The following SSR1 variants were observed in gnomAD, a reference collection of about 807,000 sequenced individuals.
SSR1 encodes the protein translocon-associated protein subunit alpha.
In SSR1, 13 loss-of-function variants were observed where a neutral mutation model predicts 36.1. The observed-to-expected ratio is 0.36, with a 90% CI of 0.23 to 0.57. The LOEUF is 0.57. Among genes scored for constraint, SSR1 ranks in the 20% least tolerant of loss-of-function variants. The pLI is 0.81. For missense variants in SSR1, 291 were observed against 338.5 expected, an observed-to-expected ratio of 0.86 and a Z score of 1.10; for synonymous variants, 113 against 118.9, an observed-to-expected ratio of 0.95 and a Z score of 0.32.
chr6:7,306,810 G>A lies in SSR1; in HGVS notation c.192+3107C>T, dbSNP rs979856968. ...GGGCGCCTATAATCCCAGCTACTCG[G>A]GAGACTGAGGCAGGAGACTGGCGTG... is the stretch of plus-strand genomic sequence containing the variant. On this transcript the variant is annotated intron_variant, in intron 2 of 7. Coordinates refer to ENST00000244763, the MANE Select transcript of SSR1 (RefSeq NM_003144.5). Among the ~76,000 whole-genome samples the A allele has an allele frequency of 5.3e-5, 8 of 152,012 alleles. No individual in the cohort carries two copies. The East Asian group carries it at 7.8e-4, about 15-fold the overall frequency.
rs111779601 is a variant in SSR1, at chr6:7,284,209, A to G, written c.*5655T>C. ...TTGCAAGATGATTTTCAAAAATAAC[A>G]TGAACCCCAACAGCTTCACTGAGAA... On this transcript the variant is annotated 3_prime_UTR_variant, in exon 8 of 8. Coordinates refer to ENST00000244763, the MANE Select transcript of SSR1 (RefSeq NM_003144.5). 1.0e-3 allele frequency: 154 copies of G among 152,306 alleles called. No individual in the cohort carries two copies. Among genetic ancestry groups the G allele is most frequent in the African/African-American group, 3.5e-3 (146 of 41,568 alleles). 9.4% of individuals were successfully genotyped at this position (152,306 alleles called of 1,614,324 possible). A position where few individuals can be genotyped will look rare whatever the true frequency, so the allele number is the denominator to read the frequency against.
Position 7,297,922 on chromosome 6 carries a change from C to G in SSR1, c.699+1G>C. The G allele has an allele frequency of 6.2e-7, 1 of 1,612,012 alleles. No homozygotes were observed. Among genetic ancestry groups the G allele is most frequent in the Non-Finnish European group, 8.5e-7 (1 of 1,178,624 alleles). ...TGTAAGAGGTGTTCATCCATAATTA[C>G]CTTTCTAGATTCTAGGAGTTGATGA... On this transcript the variant is annotated splice_donor_variant, in intron 6 of 7. Transcript: ENST00000244763. LOFTEE classifies it high-confidence loss of function.
chr6:7,294,938 T>C (rs1757760920), intron 7 of SSR1: 1 of 582,748 alleles, frequency 1.7e-6, no homozygotes, highest in Non-Finnish European at 2.7e-6. Flanking sequence ...TTTAGGTTTA[T>C]TCTTTCAAGT....
At position 7,309,996 on chromosome 6, in the gene SSR1, T is replaced by C. The variant is rs771135386; in HGVS notation, c.113A>G (p.Asp38Gly). 3.7e-6 allele frequency: 6 copies of C among 1,613,794 alleles called. No homozygotes were observed. In the Admixed American group the frequency reaches 6.7e-5, roughly 18 times the overall value. ...LLAVAQDLTE[D>G]EETVEDSIIE... ...TATGGAATCTTCTACTGTTTCTTCATCCTCTGTAAGATCTTGTGCCACTGC... is the reference window on the plus strand; with the variant it reads ...TATGGAATCTTCTACTGTTTCTTCACCCTCTGTAAGATCTTGTGCCACTGC... The change falls in exon 2 of 8, where the codon GAT becomes GGT. Residue 38 changes from aspartate (D) to glycine (G), a missense_variant. By Grantham distance (94) the Asp-to-Gly change is moderately conservative. Coordinates refer to ENST00000244763, the MANE Select transcript of SSR1 (RefSeq NM_003144.5).
intron 2 of SSR1, among the ~76,000 whole-genome samples, chr6:7,304,212 C>A (rs1243509303): frequency 6.6e-6 from 1 of 152,226 alleles, no homozygotes; most frequent in Non-Finnish European, 1.5e-5. Flanking sequence ...TGCTGGTATT[C>A]AGACCATATT....
chr6:7,312,492 G>A (rs1305190533), intron 1 of SSR1, among the ~76,000 whole-genome samples: 1 of 152,156 alleles, frequency 6.6e-6, no homozygotes, highest in Non-Finnish European at 1.5e-5. Flanking sequence ...GGTCAAGCAG[G>A]GCGTGAACAA....
Position 7,297,910 on chromosome 6 carries a change from C to T in SSR1, c.699+13G>A, listed in dbSNP as rs952632008. On this transcript the variant is annotated intron_variant, in intron 6 of 7. Transcript: ENST00000244763. ...TTGAAACACGGCTGTAAGAGGTGTTCATCCATAATTACCTTTCTAGATTCT... is the reference window on the plus strand; with the variant it reads ...TTGAAACACGGCTGTAAGAGGTGTTTATCCATAATTACCTTTCTAGATTCT... 8.7e-6 allele frequency: 14 copies of T among 1,607,130 alleles called. No individual in the cohort carries two copies. The highest frequency in any genetic ancestry group is 1.0e-5 in the Non-Finnish European group (12 of 1,174,642).
At position 7,284,823 on chromosome 6, in the gene SSR1, T is replaced by C. The variant is rs1424867752; in HGVS notation, c.*5041A>G. 2 of 152,002 alleles carry C rather than the reference T, an allele frequency of 1.3e-5. No homozygotes were observed. The highest frequency in any genetic ancestry group is 2.9e-5 in the Non-Finnish European group (2 of 67,990). The allele number at this position is 152,002 out of a possible 1,614,324, so 9.4% of individuals were successfully genotyped here. ...TTGTAGGTCACAGAATCAGACTATT[T>C]AGGGCTGATACTTCAAGCATATCTC... On this transcript the variant is annotated 3_prime_UTR_variant, in exon 8 of 8. Coordinates refer to ENST00000244763, the MANE Select transcript of SSR1 (RefSeq NM_003144.5).
At chr6:7,291,393 G>A (rs568133171) in intron 7 of SSR1, among the ~76,000 whole-genome samples, 3 of 151,912 alleles carry the variant, frequency 2.0e-5, no homozygotes, top group South Asian at 4.2e-4. Context: ...GCAAGACTCC[G>A]TGTCTCAGAA....
intron 2 of SSR1, among the ~76,000 whole-genome samples, chr6:7,304,927 G>C (rs1758023586): frequency 2.0e-5 from 3 of 152,210 alleles, no homozygotes; most frequent in Admixed American, 6.5e-5. Flanking sequence ...ACTTAAGAGA[G>C]AGTGCACTCA....
chr6:7,300,587 G>A (rs1053482559), intron 4 of SSR1, among the ~76,000 whole-genome samples: 6 of 152,164 alleles, frequency 3.9e-5, no homozygotes, highest in Non-Finnish European at 7.3e-5. Flanking sequence ...AACAGAAGTA[G>A]TAAAATGGGC....
rs943094221 is a variant in SSR1 at position 7,285,971 on chromosome 6, A to G, written c.*3893T>C. The G allele has an allele frequency of 6.6e-6, 1 of 152,224 alleles. No individual in the cohort carries two copies. 9.4% of individuals were successfully genotyped at this position (152,224 alleles called of 1,614,324 possible). On this transcript the variant is annotated 3_prime_UTR_variant, in exon 8 of 8. Transcript: ENST00000244763. This position sits in a 1 kb window ranked among gnomAD's most constrained non-coding sequence, Gnocchi z 4.1. ...CATAGATACAATACAGCAAGTATAT[A>G]TGGTATATTCATTACTGAGATGATT...
At position 7,297,962 on chromosome 6, in the gene SSR1, C is replaced by G; in HGVS notation, c.660G>C (p.Leu220=). ...GGAGTTGATGAAGGCCAACAATAAC[C>G]AGAAGCCCAAGACCAGCAAGGAACA... ...MYMFLAGLGL[L]VIVGLHQLLE... is the part of the protein sequence containing the mutation. The change falls in exon 6 of 8, where the codon CTG becomes CTC. Residue 220 remains leucine (L), a synonymous_variant. Transcript: ENST00000244763. 1 of 1,613,400 alleles carries G rather than the reference C, an allele frequency of 6.2e-7. No homozygotes were observed. The highest frequency in any genetic ancestry group is 8.5e-7 in the Non-Finnish European group (1 of 1,179,714).
chr6:7,306,952 T>TG (rs796816312), intron 2 of SSR1, among the ~76,000 whole-genome samples: 1 of 132,578 alleles, frequency 7.5e-6, no homozygotes, highest in African/African-American at 2.9e-5. Flanking sequence ...CAAGGTGACT[T>TG]AAAAAAAAAA....
In SSR1 at chr6:7,283,997, G is replaced by A. The variant is rs1757490085; in HGVS notation, c.*5867C>T. On this transcript the variant is annotated 3_prime_UTR_variant, in exon 8 of 8. Coordinates refer to ENST00000244763, the MANE Select transcript of SSR1 (RefSeq NM_003144.5). ...ATGTGTGTGGAAGGGCAGAGCAGATGCTTGATGTTCTCCATCTGAACACTA... is the reference window on the plus strand; with the variant it reads ...ATGTGTGTGGAAGGGCAGAGCAGATACTTGATGTTCTCCATCTGAACACTA... 1 of 152,218 alleles carries A rather than the reference G, an allele frequency of 6.6e-6. No homozygotes were observed. The highest frequency in any genetic ancestry group is 1.5e-5 in the Non-Finnish European group (1 of 68,052). 9.4% of individuals were successfully genotyped at this position (152,218 alleles called of 1,614,324 possible). A position where few individuals can be genotyped will look rare whatever the true frequency, so the allele number is the denominator to read the frequency against.
At position 7,313,067 on chromosome 6, in the gene SSR1, A is replaced by G. The variant is rs750679371; in HGVS notation, c.54T>C (p.Thr18=). 9 of 1,608,674 alleles carry G rather than the reference A, an allele frequency of 5.6e-6. No individual in the cohort carries two copies. In the Admixed American group the frequency reaches 1.3e-4, roughly 24 times the overall value. The part of the protein sequence containing the change: ...LLLLLLVFPA[T]VLFRGGPRGL... ...CTCTGGGGCCGCCTCGGAACAAGAC[A>G]GTGGCAGGGAACACGAGTAAGAGAA... The change falls in exon 1 of 8, where the codon ACT becomes ACC. Residue 18 remains threonine, a synonymous_variant. Transcript: ENST00000244763.
intron 1 of SSR1, among the ~76,000 whole-genome samples, chr6:7,312,442 G>A (rs1478369967): frequency 6.6e-6 from 1 of 152,146 alleles, no homozygotes; most frequent in Non-Finnish European, 1.5e-5. Flanking sequence ...GTGACGATGG[G>A]GTAGTTTTTC....
At chr6:7,298,623 G>C in intron 5 of SSR1, 124 bp downstream of exon 5, 1 of 657,014 alleles carries the variant, frequency 1.5e-6, no homozygotes, top group Non-Finnish European at 2.6e-6. Context: ...ATATCGTAAG[G>C]ATTTCACCAA....
At chr6:7,311,105 TA>T (rs1375758915) in intron 1 of SSR1, among the ~76,000 whole-genome samples, 2 of 152,200 alleles carry the variant, frequency 1.3e-5, no homozygotes, top group Non-Finnish European at 2.9e-5. Context: ...ACTGTATTGG[TA>T]GCTTCAGGTT....
Sources: gnomAD v4.1 joint callset for allele counts (sites outside exome capture counted in the v4.1 genomes callset) on GRCh38, gnomAD v4.1.1 for gene constraint, Gnocchi (gnomAD v3.1) non-coding constraint, MANE v1.5 for transcripts, NCBI Gene and HGNC (gene_info 2026-07-23, HGNC 2026-07-21) for gene names.